CACNA2D3: variants seen among roughly 807,000 people sequenced by gnomAD.
The protein encoded by CACNA2D3 is voltage-dependent calcium channel subunit alpha-2/delta-3.
A neutral mutation model predicts 160.6 loss-of-function variants in CACNA2D3; 60 were observed. That is an observed-to-expected ratio of 0.37 (90% CI 0.30 to 0.46). The LOEUF (loss-of-function observed/expected upper bound fraction) is 0.46, where lower values mean the gene tolerates loss of function less well. Among genes scored for constraint, CACNA2D3 ranks in the 20% least tolerant of loss-of-function variants. The pLI, the probability that CACNA2D3 is intolerant of heterozygous loss-of-function variation, is 1.00. For missense variants in CACNA2D3, 1,205 were observed against 1,365.0 expected, an observed-to-expected ratio of 0.88 and a Z score of 1.85; for synonymous variants, 558 against 492.9, an observed-to-expected ratio of 1.13 and a Z score of -1.75.
intron 11 of CACNA2D3, among the ~76,000 whole-genome samples, chr3:54,731,417 A>G (rs922218268): frequency 2.6e-5 from 4 of 151,974 alleles, no homozygotes; most frequent in Non-Finnish European, 5.9e-5. Flanking sequence ...TAAAGACTCT[A>G]TGTACCCCAA....
At chr3:54,702,852 G>A (rs938655132) in intron 11 of CACNA2D3, among the ~76,000 whole-genome samples, 3 of 152,116 alleles carry the variant, frequency 2.0e-5, no homozygotes, top group African/African-American at 7.2e-5. Flanking sequence ...TGGTGGATTG[G>A]ATAAAGAAAA....
chr3:54,557,982 C>T (rs1702265535), intron 5 of CACNA2D3, among the ~76,000 whole-genome samples: 1 of 152,150 alleles, frequency 6.6e-6, no homozygotes, highest in Non-Finnish European at 1.5e-5. Context: ...TGTGTCTGCC[C>T]ACTGGCCCTG....
intron 11 of CACNA2D3, among the ~76,000 whole-genome samples, chr3:54,711,882 G>C (rs1700960001): frequency 6.6e-6 from 1 of 152,182 alleles, no homozygotes; most frequent in South Asian, 2.1e-4. Flanking sequence ...CCTAAAGCTA[G>C]ATAAAGGTTG....
intron 2 of CACNA2D3, among the ~76,000 whole-genome samples, chr3:54,295,580 A>T (rs139748752): frequency 1.4e-3 from 217 of 152,290 alleles, no homozygotes; most frequent in African/African-American, 4.6e-3. Context: ...GGTAGATGAG[A>T]GACAAACGGT....
chr3:54,447,080 A>G (rs1252412739), intron 4 of CACNA2D3, among the ~76,000 whole-genome samples: 1 of 152,214 alleles, frequency 6.6e-6, no homozygotes, highest in African/African-American at 2.4e-5. Context: ...GTTGTGGACC[A>G]GGCGTTATGA....
Position 54,160,509 on chromosome 3 carries a change from A to C in CACNA2D3, c.204+36915A>C, listed in dbSNP as rs1700325601. 1.3e-5 allele frequency among the ~76,000 whole-genome samples: 2 copies of C among 152,124 alleles called. 1 individual carries two copies. The highest frequency in any genetic ancestry group is 4.1e-4 in the South Asian group (2 of 4,834). On this transcript the variant is annotated intron_variant, in intron 2 of 37. Transcript: ENST00000474759. ...AGGGTGACTCTGTCTCAAAAAAAATAAAATAAAATAAAATAAAGGAATTGC... is the reference window on the plus strand; with the variant it reads ...AGGGTGACTCTGTCTCAAAAAAAATCAAATAAAATAAAATAAAGGAATTGC...
intron 4 of CACNA2D3, among the ~76,000 whole-genome samples, chr3:54,468,542 A>G (rs1700669945): frequency 1.3e-5 from 2 of 152,096 alleles, no homozygotes; most frequent in Non-Finnish European, 2.9e-5. Flanking sequence ...AGTTTTTTTC[A>G]TGTCCCCGTG....
At chr3:54,232,645 T>G (rs545779027) in intron 2 of CACNA2D3, among the ~76,000 whole-genome samples, 6 of 152,320 alleles carry the variant, frequency 3.9e-5, no homozygotes, top group African/African-American at 9.6e-5. Context: ...TGCTCCTTTC[T>G]TACCAGTTTA....
chr3:55,013,551 G>C (rs944446377), intron 34 of CACNA2D3, among the ~76,000 whole-genome samples: 1 of 152,144 alleles, frequency 6.6e-6, no homozygotes, highest in Admixed American at 6.5e-5. Context: ...TGGCTTGCAA[G>C]GTTTCTTCAT....
At chr3:54,595,431 C>T (rs565979555) in intron 9 of CACNA2D3, among the ~76,000 whole-genome samples, 1 of 152,130 alleles carries the variant, frequency 6.6e-6, no homozygotes, top group East Asian at 1.9e-4. Context: ...AAGTGAAAAG[C>T]TGGCTTACTG....
intron 11 of CACNA2D3, among the ~76,000 whole-genome samples, chr3:54,734,700 A>G (rs1343876740): frequency 6.6e-6 from 1 of 152,216 alleles, no homozygotes; most frequent in African/African-American, 2.4e-5. Context: ...TCCAGTTGCC[A>G]GTTATTACAA....
chr3:54,405,605 A>G (rs892519306), intron 4 of CACNA2D3, among the ~76,000 whole-genome samples: 2 of 152,154 alleles, frequency 1.3e-5, no homozygotes, highest in Middle Eastern at 3.2e-3. Context: ...ACCTGAAACC[A>G]TAAAACTGCT....
chr3:54,572,324 A>T (rs747451300), intron 8 of CACNA2D3, among the ~76,000 whole-genome samples: 33 of 152,228 alleles, frequency 2.2e-4, no homozygotes, highest in Non-Finnish European at 4.3e-4. Context: ...GCACCTAGGC[A>T]GTGCTTGGCA....
intron 27 of CACNA2D3, among the ~76,000 whole-genome samples, chr3:54,943,403 C>A (rs1259122942): frequency 6.6e-6 from 1 of 152,106 alleles, no homozygotes. Flanking sequence ...TCCTTTAATA[C>A]ATGGTGCTTT....
At chr3:54,457,985 A>C (rs754891573) in intron 4 of CACNA2D3, among the ~76,000 whole-genome samples, 6 of 152,036 alleles carry the variant, frequency 3.9e-5, no homozygotes, top group Non-Finnish European at 2.9e-5. Flanking sequence ...ATGCAAAGTA[A>C]ATTTCCTGTA....
At chr3:54,873,610 C>T (rs1699591308) in intron 18 of CACNA2D3, among the ~76,000 whole-genome samples, 1 of 152,142 alleles carries the variant, frequency 6.6e-6, no homozygotes. Context: ...GATTCGCAGC[C>T]TCACGTGTGT....
intron 4 of CACNA2D3, among the ~76,000 whole-genome samples, chr3:54,450,682 C>A (rs1241479408): frequency 6.6e-6 from 1 of 152,094 alleles, no homozygotes; most frequent in Non-Finnish European, 1.5e-5. Flanking sequence ...ACGCTGGCTC[C>A]CCTTCACCTT....
At chr3:55,013,470 A>G (rs1703255170) in intron 34 of CACNA2D3, among the ~76,000 whole-genome samples, 1 of 152,216 alleles carries the variant, frequency 6.6e-6, no homozygotes, top group Admixed American at 6.5e-5. Flanking sequence ...TCATTGGGAT[A>G]TCTTATTAAA....
intron 35 of CACNA2D3, among the ~76,000 whole-genome samples, chr3:55,049,383 G>C (rs1704136063): frequency 7.2e-6 from 1 of 138,512 alleles, no homozygotes; most frequent in East Asian, 2.0e-4. Context: ...TCAGGAGCAG[G>C]TTGTTCAGTT....
Sources: allele counts gnomAD v4.1 joint callset (sites outside exome capture counted in the v4.1 genomes callset), GRCh38; gene constraint gnomAD v4.1.1; transcripts MANE v1.5; gene names NCBI Gene and HGNC (gene_info 2026-07-23, HGNC 2026-07-21).